Variants in FAT3 observed in about 807,000 individuals in gnomAD.
FAT3 encodes FAT atypical cadherin 3, also known as protocadherin Fat 3.
In FAT3, 95 loss-of-function variants were observed where a neutral mutation model predicts 310.2. That is an observed-to-expected ratio of 0.31 (90% confidence interval 0.26 to 0.36). The LOEUF is 0.36. Ranked by LOEUF, FAT3 falls within the 10% of genes least tolerant of loss-of-function variation. The pLI is 1.00. For missense variants in FAT3, 5,408 were observed against 5,715.6 expected (o/e 0.95, Z 1.74); for synonymous variants, 2,314 against 2,192.9 (o/e 1.06, Z -1.54).
intron 2 of FAT3, among the ~76,000 whole-genome samples, chr11:92,501,825 T>G (rs1301725608): frequency 6.6e-6 from 1 of 152,034 alleles, no homozygotes; most frequent in Non-Finnish European, 1.5e-5. Flanking sequence ...ATTCTAGCAG[T>G]GAATTTTGAC....
At chr11:92,635,577 A>G (rs117436416) in intron 3 of FAT3, among the ~76,000 whole-genome samples, 3,615 of 152,280 alleles carry the variant, frequency 0.024, 70 homozygotes, top group South Asian at 0.038. Context: ...TTTTAAAATT[A>G]TTTAAATTGA....
At chr11:92,787,583 C>T (rs941498032) in intron 7 of FAT3, among the ~76,000 whole-genome samples, 1 of 151,412 alleles carries the variant, frequency 6.6e-6, no homozygotes, top group Non-Finnish European at 1.5e-5. Context: ...ACCTGTATAG[C>T]ACCTGATAGA....
At chr11:92,565,723 C>T (rs1955409832) in intron 3 of FAT3, among the ~76,000 whole-genome samples, 1 of 151,378 alleles carries the variant, frequency 6.6e-6, no homozygotes, top group Admixed American at 6.6e-5. Flanking sequence ...GGATGCAAGG[C>T]TGGTTCAATA....
chr11:92,340,944 A>G (rs1357726295), intron 1 of FAT3, among the ~76,000 whole-genome samples: 6 of 152,086 alleles, frequency 3.9e-5, no homozygotes, highest in Non-Finnish European at 8.8e-5. Context: ...CCGGAAGACT[A>G]GTTTTCTCTT....
intron 1 of FAT3, among the ~76,000 whole-genome samples, chr11:92,227,136 T>C (rs1210947851): frequency 6.6e-6 from 1 of 152,170 alleles, no homozygotes; most frequent in Non-Finnish European, 1.5e-5. Flanking sequence ...GGGTCCTTAA[T>C]GTTTAAAAGA....
intron 2 of FAT3, among the ~76,000 whole-genome samples, chr11:92,414,880 G>A (rs572002086): frequency 6.6e-6 from 1 of 152,124 alleles, no homozygotes; most frequent in South Asian, 2.1e-4. Flanking sequence ...CTTGGTGGCA[G>A]GCGCCTGTAG....
At chr11:92,579,434 A>G (rs1001830689) in intron 3 of FAT3, among the ~76,000 whole-genome samples, 2 of 152,108 alleles carry the variant, frequency 1.3e-5, no homozygotes, top group Non-Finnish European at 2.9e-5. Context: ...CTATTGATTA[A>G]ATTTATGAAA....
intron 1 of FAT3, among the ~76,000 whole-genome samples, chr11:92,245,283 T>C (rs1864852300): frequency 6.6e-6 from 1 of 151,282 alleles, no homozygotes; most frequent in Non-Finnish European, 1.5e-5. Context: ...TAAGTGGGAG[T>C]TGAATAATGA....
intron 1 of FAT3, among the ~76,000 whole-genome samples, chr11:92,298,914 C>T (rs974853283): frequency 1.3e-5 from 2 of 152,040 alleles, no homozygotes; most frequent in African/African-American, 2.4e-5. Context: ...ACTGCCTCTG[C>T]CTCATTGCTG....
chr11:92,245,204 T>C (rs1864848783), intron 1 of FAT3, among the ~76,000 whole-genome samples: 1 of 152,088 alleles, frequency 6.6e-6, no homozygotes, highest in Non-Finnish European at 1.5e-5. Context: ...AAATGGATGA[T>C]GCTGGAAACC....
intron 2 of FAT3, among the ~76,000 whole-genome samples, chr11:92,496,885 G>A (rs997768734): frequency 6.6e-6 from 1 of 151,984 alleles, no homozygotes; most frequent in African/African-American, 2.4e-5. Context: ...CCTGGGAAAG[G>A]TTAAAGATTC....
At position 92,799,058 on chromosome 11, in the gene FAT3, A is replaced by G. The variant is rs1947255656; in HGVS notation, c.6045A>G (p.Leu2015=). 6.2e-7 allele frequency: 1 copy of G among 1,613,852 alleles called. No homozygotes were observed. Among genetic ancestry groups the G allele is most frequent in the Admixed American group, 1.7e-5 (1 of 60,006 alleles). ...TTGGAAATCGCCTTAATGAGCCCTTAAAATACAGCATCTTAAACCCAGGAA... is the reference window on the plus strand; with the variant it reads ...TTGGAAATCGCCTTAATGAGCCCTTGAAATACAGCATCTTAAACCCAGGAA... The part of the protein sequence containing the change: ...NAVGNRLNEP[L]KYSILNPGNK... Residue 2015 remains leucine (L), a synonymous_variant, in exon 10 of 28, where the codon TTA becomes TTG. Transcript: ENST00000525166.
At chr11:92,295,051 G>T (rs1009119949) in intron 1 of FAT3, among the ~76,000 whole-genome samples, 1 of 152,026 alleles carries the variant, frequency 6.6e-6, no homozygotes, top group African/African-American at 2.4e-5. Context: ...ATCTTAATTT[G>T]ACTGCTAAGA....
intron 1 of FAT3, among the ~76,000 whole-genome samples, chr11:92,237,469 C>A (rs1864478682): frequency 6.6e-6 from 1 of 152,094 alleles, no homozygotes. Flanking sequence ...TTTTATATAA[C>A]TTTTAATCAT....
intron 2 of FAT3, among the ~76,000 whole-genome samples, chr11:92,359,479 C>G (rs974325635): frequency 6.6e-6 from 1 of 151,226 alleles, no homozygotes; most frequent in Admixed American, 6.6e-5. Flanking sequence ...TCTTGACTTT[C>G]TTTTTTTTTA....
intron 4 of FAT3, among the ~76,000 whole-genome samples, chr11:92,732,310 A>G (rs1458508643): frequency 2.0e-5 from 3 of 152,280 alleles, no homozygotes; most frequent in Non-Finnish European, 4.4e-5. Flanking sequence ...AAAAGCTTAT[A>G]GAAGCGATAT....
rs1005497535 is a variant in FAT3 at position 92,225,181 on chromosome 11, G to A, written c.-18+7G>A. On this transcript the variant is annotated splice_region_variant and intron_variant, in intron 1 of 27. Transcript: ENST00000525166. Reference sequence around the variant, plus strand: ...ATCGCCAGCGGAGGCAAGGGTGCGTGGGGATTTGTAGCGTGATGATTTGGC... The same window carrying A: ...ATCGCCAGCGGAGGCAAGGGTGCGTAGGGATTTGTAGCGTGATGATTTGGC... 4.6e-5 allele frequency among the ~76,000 whole-genome samples: 7 copies of A among 152,284 alleles called. No individual in the cohort carries two copies. Among genetic ancestry groups the A allele is most frequent in the Non-Finnish European group, 1.0e-4 (7 of 68,022 alleles).
intron 1 of FAT3, among the ~76,000 whole-genome samples, chr11:92,229,268 G>A (rs1864044886): frequency 6.6e-6 from 1 of 152,088 alleles, no homozygotes; most frequent in African/African-American, 2.4e-5. Context: ...TACCCAAATT[G>A]TGAGGAGTGG....
intron 3 of FAT3, among the ~76,000 whole-genome samples, chr11:92,586,576 G>C (rs1371453471): frequency 2.0e-5 from 3 of 151,924 alleles, no homozygotes; most frequent in Non-Finnish European, 4.4e-5. Context: ...ATAAAAACTA[G>C]AAGAAACAAA....
Sources: allele counts gnomAD v4.1 joint callset (sites outside exome capture counted in the v4.1 genomes callset), GRCh38; gene constraint gnomAD v4.1.1; transcripts MANE v1.5; gene names NCBI Gene and HGNC (gene_info 2026-07-23, HGNC 2026-07-21).